The following GRID2 variants were observed in gnomAD, a reference collection of about 807,000 sequenced individuals.
GRID2 encodes the protein glutamate receptor ionotropic, delta-2.
A neutral mutation model predicts 114.8 loss-of-function variants in GRID2; 33 were observed. The ratio of observed to expected loss-of-function variants is 0.29; its 90% CI spans 0.22 to 0.38. The LOEUF (loss-of-function observed/expected upper bound fraction) is 0.38, where lower values mean the gene tolerates loss of function less well. Among genes scored for constraint, GRID2 ranks in the 10% least tolerant of loss-of-function variants. The probability of loss-of-function intolerance (pLI) is 1.00; values close to 1 mark genes in which losing one functional copy is unlikely to be tolerated. For synonymous variants in GRID2, 505 were observed against 449.9 expected (o/e 1.12, Z -1.55); for missense variants, 1,184 against 1,257.7 (o/e 0.94, Z 0.89).
chr4:92,351,425 T>A (rs1728065742), intron 1 of GRID2, among the ~76,000 whole-genome samples: 1 of 151,880 alleles, frequency 6.6e-6, no homozygotes, highest in Non-Finnish European at 1.5e-5. Context: ...GATATTTTGA[T>A]ACATGTATGC....
At chr4:93,499,083 A>G (rs1025123256) in intron 12 of GRID2, among the ~76,000 whole-genome samples, 1 of 151,758 alleles carries the variant, frequency 6.6e-6, no homozygotes, top group African/African-American at 2.4e-5. Context: ...TACATCATTC[A>G]TTTCAACAAC....
At chr4:93,108,650 A>C in intron 3 of GRID2, among the ~76,000 whole-genome samples, 1 of 134,290 alleles carries the variant, frequency 7.4e-6, no homozygotes, top group Admixed American at 7.6e-5. Flanking sequence ...TTTTTTTTTG[A>C]GATGGAGTCT....
chr4:93,177,049 G>A (rs1011398515), intron 4 of GRID2, among the ~76,000 whole-genome samples: 2 of 152,060 alleles, frequency 1.3e-5, no homozygotes, highest in African/African-American at 2.4e-5. Flanking sequence ...GCGTGATACC[G>A]ATGTATTTAT....
At chr4:93,111,040 G>C in intron 4 of GRID2, 87 bp downstream of exon 4, 3 of 819,296 alleles carry the variant, frequency 3.7e-6, no homozygotes, top group Non-Finnish European at 6.2e-6. Flanking sequence ...AAAATTAAGA[G>C]CAGTGCGAGG....
chr4:92,943,234 C>T (rs1376154166), intron 2 of GRID2, among the ~76,000 whole-genome samples: 2 of 152,204 alleles, frequency 1.3e-5, no homozygotes, highest in African/African-American at 4.8e-5. Context: ...GGTCTTTTCA[C>T]ATAGGCCCAT....
chr4:93,494,628 G>A (rs1034221914), intron 12 of GRID2, among the ~76,000 whole-genome samples: 2 of 151,664 alleles, frequency 1.3e-5, no homozygotes, highest in East Asian at 3.9e-4. Flanking sequence ...GATATGGGCA[G>A]CACATCATAA....
intron 4 of GRID2, among the ~76,000 whole-genome samples, chr4:93,126,917 T>C (rs576048278): frequency 6.6e-6 from 1 of 152,294 alleles, no homozygotes; most frequent in South Asian, 2.1e-4. Context: ...AGTAAATTTT[T>C]GTTCTCATGA....
At chr4:92,923,541 G>C (rs1221824122) in intron 2 of GRID2, among the ~76,000 whole-genome samples, 1 of 152,112 alleles carries the variant, frequency 6.6e-6, no homozygotes, top group East Asian at 1.9e-4. Flanking sequence ...AAATACTTTA[G>C]AATACTTATT....
At position 92,663,582 on chromosome 4, in the gene GRID2, T is replaced by C. The variant is rs534378344; in HGVS notation, c.244+73296T>C. 8.9e-4 allele frequency among the ~76,000 whole-genome samples: 134 copies of C among 151,290 alleles called. 2 individuals are homozygous for C. Among genetic ancestry groups the C allele is most frequent in the African/African-American group, 3.0e-3 (123 of 41,432 alleles). ...TGGAAGCATCAATTTCACAAACATA[T>C]CTTTTTTGTTTGCTTATTTTGTGGT... On this transcript the variant is annotated intron_variant, in intron 2 of 15. Transcript: ENST00000282020.
chr4:93,654,191 A>G (rs1722813305), intron 14 of GRID2, among the ~76,000 whole-genome samples: 1 of 152,076 alleles, frequency 6.6e-6, no homozygotes, highest in Admixed American at 6.6e-5. Flanking sequence ...TTCTTAAACC[A>G]TGTGTGACTT....
chr4:92,640,471 C>T (rs1292879226), intron 2 of GRID2, among the ~76,000 whole-genome samples: 1 of 151,662 alleles, frequency 6.6e-6, no homozygotes, highest in East Asian at 1.9e-4. Flanking sequence ...AATCATAGGT[C>T]AAACAGAAAT....
chr4:92,817,613 G>A (rs749318973), intron 2 of GRID2, among the ~76,000 whole-genome samples: 79 of 151,370 alleles, frequency 5.2e-4, no homozygotes, highest in Non-Finnish European at 9.7e-4. Context: ...ATTTTATCTG[G>A]AATGCCATTA....
intron 8 of GRID2, among the ~76,000 whole-genome samples, chr4:93,309,850 T>G (rs1244971908): frequency 1.3e-5 from 2 of 152,126 alleles, no homozygotes; most frequent in Non-Finnish European, 2.9e-5. Flanking sequence ...CTATTCCCCT[T>G]ATGAGGAAGA....
intron 12 of GRID2, among the ~76,000 whole-genome samples, chr4:93,498,257 C>T (rs777898963): frequency 2.8e-4 from 43 of 151,776 alleles, no homozygotes; most frequent in Non-Finnish European, 5.9e-4. Context: ...CAAGATGGTA[C>T]TTTGACTGCT....
intron 4 of GRID2, among the ~76,000 whole-genome samples, chr4:93,168,770 A>G (rs951453037): frequency 1.3e-5 from 2 of 149,810 alleles, no homozygotes; most frequent in African/African-American, 5.1e-5. Flanking sequence ...AAGCTATTAC[A>G]TATATAATTT....
intron 14 of GRID2, among the ~76,000 whole-genome samples, chr4:93,734,370 G>A (rs1020138222): frequency 7.2e-5 from 11 of 151,984 alleles, no homozygotes; most frequent in East Asian, 3.9e-4. Flanking sequence ...TTATAAGAGC[G>A]TAAAATTATT....
At chr4:93,392,123 A>G (rs1054507161) in intron 8 of GRID2, among the ~76,000 whole-genome samples, 46 of 152,146 alleles carry the variant, frequency 3.0e-4, no homozygotes, top group African/African-American at 1.1e-3. Flanking sequence ...GACTTTCTCT[A>G]AGTCTCATGT....
chr4:93,608,043 C>CAT (rs59824778), intron 13 of GRID2, among the ~76,000 whole-genome samples: 1,463 of 146,194 alleles, frequency 0.01, 29 homozygotes, highest in African/African-American at 0.029. Context: ...TCTAACTTTA[C>CAT]ATATATATAT....
intron 8 of GRID2, among the ~76,000 whole-genome samples, chr4:93,272,619 G>A (rs546533403): frequency 1.6e-4 from 24 of 152,256 alleles, no homozygotes; most frequent in African/African-American, 5.8e-4. Flanking sequence ...AGCCATTCAC[G>A]TGCTTTCACC....
Sources: allele counts gnomAD v4.1 joint callset (sites outside exome capture counted in the v4.1 genomes callset), GRCh38; gene constraint gnomAD v4.1.1; transcripts MANE v1.5; gene names NCBI Gene and HGNC (gene_info 2026-07-23, HGNC 2026-07-21).